The following CFAP54 variants were observed in gnomAD, a reference collection of about 807,000 sequenced individuals.
CFAP54 encodes the protein cilia- and flagella-associated protein 54.
A neutral mutation model predicts 370.4 loss-of-function variants in CFAP54; 290 were observed. That is an observed-to-expected ratio of 0.78 (90% CI 0.71 to 0.86). CFAP54 has a LOEUF of 0.86. Among genes scored for constraint, CFAP54 ranks in the 40% least tolerant of loss-of-function variants. The pLI is 0.00. For missense variants in CFAP54, 3,399 were observed against 3,528.7 expected, an observed-to-expected ratio of 0.96 and a Z score of 0.93; for synonymous variants, 1,206 against 1,236.5, an observed-to-expected ratio of 0.98 and a Z score of 0.52.
chr12:96,629,202 A>G (rs1592893799), intron 30 of CFAP54, among the ~76,000 whole-genome samples: 1 of 152,148 alleles, frequency 6.6e-6, no homozygotes, highest in East Asian at 1.9e-4. Context: ...CATGTACATC[A>G]TGCCTTCAAC....
At chr12:96,808,789 A>G (rs7301455) in intron 63 of CFAP54, among the ~76,000 whole-genome samples, 50,926 of 152,070 alleles carry the variant, frequency 0.33, 8,819 homozygotes, top group South Asian at 0.54. Context: ...TTCAGACCCT[A>G]GAACAGGACT....
intron 50 of CFAP54, among the ~76,000 whole-genome samples, chr12:96,728,877 G>A (rs966718476): frequency 2.0e-5 from 3 of 152,156 alleles, no homozygotes; most frequent in Non-Finnish European, 2.9e-5. Flanking sequence ...CTTTCTGTTT[G>A]TTAGTTTTCC....
At chr12:96,821,383 TG>T (rs1443175846) in intron 65 of CFAP54, among the ~76,000 whole-genome samples, 2 of 152,192 alleles carry the variant, frequency 1.3e-5, no homozygotes, top group Admixed American at 6.5e-5. Flanking sequence ...CTTGCTTTCC[TG>T]TTCCAACTGA....
chr12:96,544,180 A>G (rs1291479502), intron 14 of CFAP54, among the ~76,000 whole-genome samples: 1 of 151,828 alleles, frequency 6.6e-6, no homozygotes, highest in Non-Finnish European at 1.5e-5. Flanking sequence ...TATGTTTTAT[A>G]TATATATATA....
chr12:96,741,859 G>T (rs1218768956), intron 51 of CFAP54, among the ~76,000 whole-genome samples: 1 of 152,148 alleles, frequency 6.6e-6, no homozygotes, highest in Non-Finnish European at 1.5e-5. Flanking sequence ...TGTGGACTCT[G>T]AAGGCAGGAA....
At chr12:96,847,334 C>G (rs1959388520) in intron 66 of CFAP54, among the ~76,000 whole-genome samples, 1 of 151,992 alleles carries the variant, frequency 6.6e-6, no homozygotes, top group Admixed American at 6.6e-5. Context: ...TCCTGGTGAG[C>G]TCCCCTCCCT....
rs1956496257 is a variant in CFAP54 at position 96,621,875 on chromosome 12, G to GTTTGTTTTTTTTT, written c.3771+157_3771+158insGTTTTTTTTTTTT. Among the ~76,000 whole-genome samples, 38 of 50,032 alleles carry GTTTGTTTTTTTTT rather than the reference G, an allele frequency of 7.6e-4. 1 individual carries two copies. Among genetic ancestry groups the GTTTGTTTTTTTTT allele is most frequent in the East Asian group, 1.7e-3 (2 of 1,186 alleles). The allele number at this position is 50,032 out of a possible 152,430, so 32.8% of individuals were successfully genotyped here. ...ATTATAGTAAAGAGCTTTTGGGTTT[G>GTTTGTTTTTTTTT]TTTTTTTTTTTTTTTTTTTTTTTTT... is the stretch of plus-strand genomic sequence containing the variant. On this transcript the variant is annotated intron_variant, in intron 27 of 67. Transcript: ENST00000524981.
chr12:96,696,494 T>A (rs1273765399), intron 45 of CFAP54, among the ~76,000 whole-genome samples: 9 of 152,146 alleles, frequency 5.9e-5, no homozygotes, highest in South Asian at 2.1e-4. Flanking sequence ...ACTTTTTTTT[T>A]AATCATATTG....
At chr12:96,798,206 T>C (rs1958786706) in intron 63 of CFAP54, among the ~76,000 whole-genome samples, 1 of 152,062 alleles carries the variant, frequency 6.6e-6, no homozygotes, top group Non-Finnish European at 1.5e-5. Flanking sequence ...ATTTGGTTTG[T>C]TTTTTACTCC....
At chr12:96,519,457 A>G (rs925055277) in intron 6 of CFAP54, among the ~76,000 whole-genome samples, 1 of 152,112 alleles carries the variant, frequency 6.6e-6, no homozygotes, top group Non-Finnish European at 1.5e-5. Context: ...TGCCAGGGGA[A>G]AAACAAAACC....
At chr12:96,753,652 C>G (rs1958215813) in intron 55 of CFAP54, 91 bp from the exon 56 acceptor site, 1 of 1,245,362 alleles carries the variant, frequency 8.0e-7, no homozygotes. Context: ...TGATAGATTT[C>G]ATTACTGTGA....
At chr12:96,865,140 A>C (rs1309823108) in intron 67 of CFAP54, among the ~76,000 whole-genome samples, 1 of 152,166 alleles carries the variant, frequency 6.6e-6, no homozygotes, top group Non-Finnish European at 1.5e-5. Flanking sequence ...ACTTGTGCAA[A>C]TTTCTGATGC....
intron 23 of CFAP54, among the ~76,000 whole-genome samples, chr12:96,590,857 A>C (rs1396375182): frequency 2.0e-5 from 3 of 152,184 alleles, no homozygotes; most frequent in Non-Finnish European, 4.4e-5. Context: ...CGCCTTTGTG[A>C]ATATGAGATG....
intron 62 of CFAP54, among the ~76,000 whole-genome samples, chr12:96,791,191 T>TC (rs1231322731): frequency 6.6e-6 from 1 of 151,792 alleles, no homozygotes; most frequent in African/African-American, 2.4e-5. Context: ...ACGCTTTTTT[T>TC]TTTTTTTTTT....
chr12:96,868,555 GT>G (rs911145091), intron 67 of CFAP54, among the ~76,000 whole-genome samples: 90 of 150,670 alleles, frequency 6.0e-4, no homozygotes, highest in African/African-American at 2.1e-3. Context: ...TGGTTCAGTG[GT>G]TCTTATTTTT....
intron 1 of CFAP54, among the ~76,000 whole-genome samples, chr12:96,495,582 A>C (rs897573115): frequency 9.9e-5 from 15 of 151,710 alleles, no homozygotes; most frequent in African/African-American, 3.6e-4. Flanking sequence ...TGGCCTCCCA[A>C]AGTGCTGGGA....
chr12:96,852,403 A>C (rs1245456343), intron 66 of CFAP54, among the ~76,000 whole-genome samples: 2 of 152,090 alleles, frequency 1.3e-5, no homozygotes, highest in Non-Finnish European at 2.9e-5. Flanking sequence ...ATACATATAC[A>C]ATCCCATGAT....
At chr12:96,521,635 C>T (rs1218069889) in intron 6 of CFAP54, among the ~76,000 whole-genome samples, 2 of 151,738 alleles carry the variant, frequency 1.3e-5, no homozygotes, top group Non-Finnish European at 2.9e-5. Context: ...TTTCAGCTTT[C>T]CTTTTTAAAA....
chr12:96,628,342 TGGAG>T (rs1956568275), intron 30 of CFAP54, among the ~76,000 whole-genome samples: 1 of 150,792 alleles, frequency 6.6e-6, no homozygotes, highest in Non-Finnish European at 1.5e-5. Context: ...GATCAAGGAG[TGGAG>T]GAGTTTAATT....
Sources: allele counts gnomAD v4.1 joint callset (sites outside exome capture counted in the v4.1 genomes callset), GRCh38; gene constraint gnomAD v4.1.1; transcripts MANE v1.5; gene names NCBI Gene and HGNC (gene_info 2026-07-23, HGNC 2026-07-21).